The following NCK2 variants were observed in gnomAD, a reference collection of about 807,000 sequenced individuals.
NCK2 encodes cytoplasmic protein NCK2.
A neutral mutation model predicts 33.9 loss-of-function variants in NCK2; 16 were observed. The ratio of observed to expected loss-of-function variants is 0.47; its 90% CI spans 0.32 to 0.72. The LOEUF (loss-of-function observed/expected upper bound fraction) is 0.72. Ranked by LOEUF, NCK2 falls within the 30% of genes least tolerant of loss-of-function variation. NCK2 has a pLI of 0.03. For synonymous variants in NCK2, 273 were observed against 239.9 expected (o/e 1.14, Z -1.27); for missense variants, 418 against 537.3 (o/e 0.78, Z 2.19).
chr2:105,749,418 C>T (rs1689383166), intron 1 of NCK2, among the ~76,000 whole-genome samples: 1 of 152,190 alleles, frequency 6.6e-6, no homozygotes, highest in South Asian at 2.1e-4. Flanking sequence ...TGCATGCACG[C>T]TCATTCATTG....
chr2:105,829,794 C>T (rs889154389), intron 2 of NCK2, among the ~76,000 whole-genome samples: 1 of 152,050 alleles, frequency 6.6e-6, no homozygotes, highest in African/African-American at 2.4e-5. Flanking sequence ...CTGGGTGCAC[C>T]CCATAGTTAA....
chr2:105,745,282 C>T (rs559533633), intron 1 of NCK2, 144 bp downstream of exon 1: 1 of 151,758 alleles, frequency 6.6e-6, no homozygotes, highest in African/African-American at 2.4e-5. Context: ...CTCCGGTGCT[C>T]TCGGCCCTGC....
rs186491661 is a variant in NCK2, at chr2:105,769,770, T to C, written c.-201+24632T>C. ...CTGTGGCAGGGAATGCATGTGTCAG[T>C]GTGTCAGGCGTGGTCAGTAAAAGGA... On this transcript the variant is annotated intron_variant, in intron 1 of 4. Coordinates refer to ENST00000233154, the MANE Select transcript of NCK2 (RefSeq NM_003581.5). 5.4e-5 allele frequency among the ~76,000 whole-genome samples: 8 copies of C among 149,348 alleles called. No individual in the cohort carries two copies. In the East Asian group the frequency reaches 1.6e-3, roughly 29 times the overall value.
intron 2 of NCK2, among the ~76,000 whole-genome samples, chr2:105,842,187 G>A (rs1003845431): frequency 6.6e-6 from 1 of 152,004 alleles, no homozygotes; most frequent in Admixed American, 6.5e-5. Context: ...CCGGTTTCAA[G>A]TGATTCTCCT....
chr2:105,860,829 T>C (rs3769503), intron 3 of NCK2, among the ~76,000 whole-genome samples: 139,518 of 149,242 alleles, frequency 0.93, 65,309 homozygotes, highest in East Asian at 0.98. Flanking sequence ...CCTCTCATGC[T>C]TGGATTAACC....
intron 3 of NCK2, among the ~76,000 whole-genome samples, chr2:105,876,301 C>T (rs890270611): frequency 3.9e-5 from 6 of 152,142 alleles, no homozygotes; most frequent in African/African-American, 9.7e-5. Context: ...AACACATGAC[C>T]GCACACCATG....
chr2:105,827,154 C>G (rs1334621329), intron 2 of NCK2, among the ~76,000 whole-genome samples: 1 of 152,094 alleles, frequency 6.6e-6, no homozygotes, highest in Non-Finnish European at 1.5e-5. Flanking sequence ...TGCCTACCAC[C>G]ACGCCCGGCT....
intron 1 of NCK2, among the ~76,000 whole-genome samples, chr2:105,749,368 A>G (rs1056216839): frequency 4.6e-5 from 7 of 152,206 alleles, no homozygotes; most frequent in African/African-American, 1.7e-4. Context: ...ATTGTTAGTG[A>G]AGACCGAAAA....
At position 105,803,135 on chromosome 2, in the gene NCK2, G is replaced by A. The variant is rs144473130; in HGVS notation, c.-200-13295G>A. ...GGTCAGTCTTGGGAAAGCAAGGTTA[G>A]GCTTATTTTCTACTGTATCACAAAT... is the stretch of plus-strand genomic sequence containing the variant. On this transcript the variant is annotated intron_variant, in intron 1 of 4. Coordinates refer to ENST00000233154, the MANE Select transcript of NCK2 (RefSeq NM_003581.5). Among the ~76,000 whole-genome samples, 11 of 152,100 alleles carry A rather than the reference G, an allele frequency of 7.2e-5. No individual in the cohort carries two copies. The East Asian group carries it at 1.9e-3, about 27-fold the overall frequency.
At chr2:105,843,556 C>T (rs966877732) in intron 2 of NCK2, among the ~76,000 whole-genome samples, 4 of 152,108 alleles carry the variant, frequency 2.6e-5, no homozygotes, top group African/African-American at 9.7e-5. Flanking sequence ...CTTGTGGTGC[C>T]AGAAAGTAAG....
At chr2:105,861,949 C>T (rs12994173) in intron 3 of NCK2, among the ~76,000 whole-genome samples, 2 of 144,402 alleles carry the variant, frequency 1.4e-5, no homozygotes, top group Non-Finnish European at 3.0e-5. Flanking sequence ...CCCGCTCCCC[C>T]CTTCCCTTTC....
intron 1 of NCK2, among the ~76,000 whole-genome samples, chr2:105,796,089 A>G (rs1487305747): frequency 6.6e-6 from 1 of 152,260 alleles, no homozygotes; most frequent in African/African-American, 2.4e-5. Flanking sequence ...TTTATGATAC[A>G]GGTCCCAAGA....
chr2:105,769,400 G>GTGC (rs1385996078), intron 1 of NCK2, among the ~76,000 whole-genome samples: 1 of 151,944 alleles, frequency 6.6e-6, no homozygotes, highest in African/African-American at 2.4e-5. Flanking sequence ...GACTCTCACT[G>GTGC]TGCTGGTAAC....
intron 1 of NCK2, among the ~76,000 whole-genome samples, chr2:105,747,981 G>C (rs1689341302): frequency 6.6e-6 from 1 of 152,094 alleles, no homozygotes; most frequent in Admixed American, 6.5e-5. Context: ...ATTTTCCTTT[G>C]AACATTTCCC....
chr2:105,777,871 G>A (rs115142546), intron 1 of NCK2, among the ~76,000 whole-genome samples: 1 of 152,204 alleles, frequency 6.6e-6, no homozygotes, highest in East Asian at 1.9e-4. Flanking sequence ...GAGAGGATCG[G>A]TACTGGGGTG....
intron 2 of NCK2, among the ~76,000 whole-genome samples, chr2:105,847,795 CTTTG>C (rs1397725320): frequency 3.9e-5 from 6 of 152,136 alleles, no homozygotes; most frequent in Non-Finnish European, 7.3e-5. Flanking sequence ...GACTACACCT[CTTTG>C]TTTGTAAAAT....
At chr2:105,746,644 A>G (rs1183777491) in intron 1 of NCK2, among the ~76,000 whole-genome samples, 1 of 152,206 alleles carries the variant, frequency 6.6e-6, no homozygotes, top group Non-Finnish European at 1.5e-5. Flanking sequence ...TGGAGAAGAA[A>G]TTGACTTCAC....
At chr2:105,891,170 C>A (rs1384508137) in intron 4 of NCK2, among the ~76,000 whole-genome samples, 2 of 152,202 alleles carry the variant, frequency 1.3e-5, no homozygotes, top group Non-Finnish European at 2.9e-5. Context: ...CACACACTCT[C>A]AATACTCACA....
intron 3 of NCK2, among the ~76,000 whole-genome samples, chr2:105,859,792 G>A: frequency 6.6e-6 from 1 of 152,214 alleles, no homozygotes; most frequent in South Asian, 2.1e-4. Context: ...TTAGAATTAA[G>A]ATTACAGTAC....
Sources: gnomAD v4.1 joint callset for allele counts (sites outside exome capture counted in the v4.1 genomes callset) on GRCh38, gnomAD v4.1.1 for gene constraint, MANE v1.5 for transcripts, NCBI Gene and HGNC (gene_info 2026-07-23, HGNC 2026-07-21) for gene names.